The following ALMS1 variants were observed in gnomAD, a reference collection of about 807,000 sequenced individuals.
ALMS1 encodes centrosome-associated protein ALMS1.
In ALMS1, 271 loss-of-function variants were observed where a neutral mutation model predicts 352.2. The ratio of observed to expected loss-of-function variants is 0.77; its 90% CI spans 0.70 to 0.85. ALMS1 has a LOEUF of 0.85. Among genes scored for constraint, ALMS1 ranks in the 40% least tolerant of loss-of-function variants. The pLI, the probability that ALMS1 is intolerant of heterozygous loss-of-function variation, is 0.00. For missense variants in ALMS1, 5,445 were observed against 4,870.7 expected, an observed-to-expected ratio of 1.12 and a Z score of -3.51; for synonymous variants, 1,865 against 1,761.2, an observed-to-expected ratio of 1.06 and a Z score of -1.48.
rs772417159 is a variant in ALMS1 at position 73,489,643 on chromosome 2, A to G, written c.7684A>G (p.Ser2562Gly). The G allele has an allele frequency of 6.1e-5, 98 of 1,614,060 alleles. No individual in the cohort carries two copies. Among genetic ancestry groups the G allele is most frequent in the Non-Finnish European group, 8.0e-5 (94 of 1,180,056 alleles). Residue 2562 changes from serine (S) to glycine (G), a missense_variant, in exon 10 of 23, where the codon AGT becomes GGT. Physicochemically the swap from Ser to Gly is moderately conservative, Grantham distance 56. Coordinates refer to ENST00000613296, the MANE Select transcript of ALMS1 (RefSeq NM_001378454.1). ...TGTTTGTATCTTCTAGGGTTTACAG[A>G]GTCCACGGGGAATGGGATGCAAGCC... The part of the protein sequence containing the change: ...RTTDLSKGLQ[S>G]PRGMGCKPEA...
At position 73,449,331 on chromosome 2, in the gene ALMS1, C is replaced by T. The variant is rs1183510271; in HGVS notation, c.2804C>T (p.Ser935Leu). 36 of 1,614,100 alleles carry T rather than the reference C, an allele frequency of 2.2e-5. No homozygotes were observed. Among genetic ancestry groups the T allele is most frequent in the Non-Finnish European group, 3.0e-5 (35 of 1,179,992 alleles). The change falls in exon 8 of 23, where the codon TCA (serine) becomes TTA (leucine). Residue 935 changes from serine to leucine, a missense_variant. Coordinates refer to ENST00000613296, the MANE Select transcript of ALMS1 (RefSeq NM_001378454.1). ...FLFPEEALKV[S>L]AVSVLAAQKT... ...TTCCCTGAAGAAGCTCTGAAGGTTT[C>T]AGCTGTTTCTGTATTGGCTGCCCAG...
chr2:73,589,485 C>T (rs938659081), intron 16 of ALMS1, among the ~76,000 whole-genome samples: 1 of 152,128 alleles, frequency 6.6e-6, no homozygotes, highest in African/African-American at 2.4e-5. Context: ...CACCATATGC[C>T]ATCCTCATTT....
chr2:73,606,684 T>C (rs1366611036), intron 21 of ALMS1, among the ~76,000 whole-genome samples: 1 of 152,182 alleles, frequency 6.6e-6, no homozygotes, highest in African/African-American at 2.4e-5. Context: ...TTCAATATCA[T>C]CTAGTAACTC....
At chr2:73,481,016 T>C (rs1456933579) in intron 9 of ALMS1, among the ~76,000 whole-genome samples, 1 of 151,136 alleles carries the variant, frequency 6.6e-6, no homozygotes, top group Non-Finnish European at 1.5e-5. Context: ...TTTTCTCCCA[T>C]TTTGTAGGTT....
chr2:73,464,708 G>A (rs1672290741), intron 9 of ALMS1, among the ~76,000 whole-genome samples: 1 of 152,110 alleles, frequency 6.6e-6, no homozygotes, highest in African/African-American at 2.4e-5. Flanking sequence ...CGTTGTCTCA[G>A]CCCAAAATCT....
intron 2 of ALMS1, among the ~76,000 whole-genome samples, chr2:73,414,536 A>C (rs1018219488): frequency 3.0e-5 from 3 of 99,330 alleles, no homozygotes; most frequent in Non-Finnish European, 3.8e-5. Context: ...CTATTCTTCT[A>C]CTTGATCTAC....
Position 73,430,883 on chromosome 2 carries a change from A to G in ALMS1, c.1339-1315A>G, listed in dbSNP as rs547867938. Among the ~76,000 whole-genome samples the G allele has an allele frequency of 6.8e-4, 104 of 151,948 alleles. No homozygotes were observed. The South Asian group carries it at 0.02, about 29-fold the overall frequency. On this transcript the variant is annotated intron_variant, in intron 6 of 22. Coordinates refer to ENST00000613296, the MANE Select transcript of ALMS1 (RefSeq NM_001378454.1). ...ATTAAGTGATCTATGACTGCATATT[A>G]TATATATGCATATATATTTATATAT...
intron 12 of ALMS1, among the ~76,000 whole-genome samples, chr2:73,539,570 C>T (rs938612341): frequency 6.6e-6 from 1 of 152,140 alleles, no homozygotes; most frequent in African/African-American, 2.4e-5. Context: ...GATGATCAAA[C>T]TACTCCGAGC....
At chr2:73,530,646 G>A (rs750920557) in intron 11 of ALMS1, among the ~76,000 whole-genome samples, 2 of 152,260 alleles carry the variant, frequency 1.3e-5, no homozygotes, top group Non-Finnish European at 2.9e-5. Flanking sequence ...GGGACTATTA[G>A]TGGGGGCTCC....
At chr2:73,570,486 G>C (rs1674903360) in intron 15 of ALMS1, among the ~76,000 whole-genome samples, 1 of 152,084 alleles carries the variant, frequency 6.6e-6, no homozygotes, top group Admixed American at 6.6e-5. Context: ...ATTTGAAGAG[G>C]GAATTGGGGT....
chr2:73,559,429 A>G (rs1674611664), intron 15 of ALMS1, among the ~76,000 whole-genome samples: 1 of 152,190 alleles, frequency 6.6e-6, no homozygotes, highest in Admixed American at 6.5e-5. Context: ...GAAGTGAAGT[A>G]TCTTGTCTCA....
At position 73,448,991 on chromosome 2, in the gene ALMS1, C is replaced by T. The variant is rs568037602; in HGVS notation, c.2464C>T (p.Gln822Ter). 2.5e-6 allele frequency: 4 copies of T among 1,614,046 alleles called. No homozygotes were observed. The highest frequency in any genetic ancestry group is 1.7e-5 in the Admixed American group (1 of 60,008). ...CAGAGAGAAGCTCCTTGTTTTCTACCAACAGGCCTTGCTGGACAGCCATCT... is the reference window on the plus strand; with the variant it reads ...CAGAGAGAAGCTCCTTGTTTTCTACTAACAGGCCTTGCTGGACAGCCATCT... Reference protein sequence around the residue: ...SHREKLLVFYQQALLDSHLPE... With the variant: ...SHREKLLVFY The change falls in exon 8 of 23, where the codon CAA (glutamine) becomes TAA (stop). Residue 822 changes from glutamine to a stop codon, truncating the protein, a stop_gained. Transcript: ENST00000613296. LOFTEE classifies it high-confidence loss of function.
At chr2:73,600,285 C>T (rs1184172856) in intron 17 of ALMS1, among the ~76,000 whole-genome samples, 1 of 152,092 alleles carries the variant, frequency 6.6e-6, no homozygotes, top group East Asian at 1.9e-4. Flanking sequence ...AATAAATAAA[C>T]TTTCATCTTG....
chr2:73,464,419 T>A (rs567872574), intron 9 of ALMS1, among the ~76,000 whole-genome samples: 3 of 152,172 alleles, frequency 2.0e-5, no homozygotes, highest in Non-Finnish European at 4.4e-5. Flanking sequence ...AAACTCTCAA[T>A]AAATGAGGTA....
At chr2:73,460,125 G>C (rs1672157341) in intron 9 of ALMS1, among the ~76,000 whole-genome samples, 1 of 151,644 alleles carries the variant, frequency 6.6e-6, no homozygotes, top group Admixed American at 6.6e-5. Context: ...ATATTTACTT[G>C]TTTAAACTCC....
chr2:73,540,556 C>T (rs1317899943), intron 12 of ALMS1, among the ~76,000 whole-genome samples: 1 of 152,054 alleles, frequency 6.6e-6, no homozygotes, highest in East Asian at 1.9e-4. Context: ...ACTAAATGCC[C>T]CAATTAAAAG....
intron 11 of ALMS1, among the ~76,000 whole-genome samples, chr2:73,527,412 T>C (rs1673813834): frequency 6.6e-6 from 1 of 152,152 alleles, no homozygotes. Context: ...AGCTTTTCTT[T>C]GCTGGGAGAC....
At chr2:73,502,089 GC>G (rs1346546644) in intron 10 of ALMS1, among the ~76,000 whole-genome samples, 1 of 151,996 alleles carries the variant, frequency 6.6e-6, no homozygotes, top group East Asian at 1.9e-4. Flanking sequence ...CTGTTGTCAT[GC>G]CAATTTGTAG....
At chr2:73,513,923 T>G (rs1673503375) in intron 10 of ALMS1, among the ~76,000 whole-genome samples, 1 of 152,160 alleles carries the variant, frequency 6.6e-6, no homozygotes, top group African/African-American at 2.4e-5. Flanking sequence ...TGTCACTCCA[T>G]TTGCTACAGA....
Sources: gnomAD v4.1 joint callset for allele counts (sites outside exome capture counted in the v4.1 genomes callset) on GRCh38, gnomAD v4.1.1 for gene constraint, MANE v1.5 for transcripts, NCBI Gene and HGNC (gene_info 2026-07-23, HGNC 2026-07-21) for gene names.